ZNF112: variants seen among roughly 807,000 people sequenced by gnomAD.
ZNF112 encodes zinc finger protein 112 (Y14).
A neutral mutation model predicts 77.7 loss-of-function variants in ZNF112; 37 were observed. The ratio of observed to expected loss-of-function variants is 0.48; its 90% CI spans 0.37 to 0.63. The LOEUF (loss-of-function observed/expected upper bound fraction) is 0.63. Ranked by LOEUF, ZNF112 falls within the 20% of genes least tolerant of loss-of-function variation. The pLI, the probability that ZNF112 is intolerant of heterozygous loss-of-function variation, is 0.00. For missense variants in ZNF112, 950 were observed against 1,077.4 expected (o/e 0.88, Z 1.66); for synonymous variants, 333 against 363.6 (o/e 0.92, Z 0.96).
Position 44,329,359 on chromosome 19 carries a change from G to C in ZNF112, c.798C>G (p.Ser266Arg), listed in dbSNP as rs764596566. ...GYRKAFSNDS[S>R]SEVHQQFHLE... ...AGTGGAACTGCTGATGAACCTCAGA[G>C]CTGGAGTCATTACTGAAGGCTTTTC... Residue 266 changes from serine (S) to arginine (R), a missense_variant, in exon 4 of 4, where the codon AGC becomes AGG. Physicochemically the swap from Ser to Arg is moderately radical, Grantham distance 110. Around this residue, in one of 3 missense-constraint regions of ZNF112, gnomAD observed 560 missense variants for 557.3 expected, o/e 1.00. Transcript: ENST00000354340. 8.7e-6 allele frequency: 14 copies of C among 1,613,690 alleles called. No homozygotes were observed. Among genetic ancestry groups the C allele is most frequent in the Non-Finnish European group, 1.1e-5 (13 of 1,179,794 alleles).
At position 44,327,868 on chromosome 19, in the gene ZNF112, C is replaced by T. The variant is rs1568656346; in HGVS notation, c.2289G>A (p.Arg763=). ...TGTATGGTTTCCCTCCTGTGTGAAC[C>T]CTCCGATGTGCTTCAAGGCGCGAAC... The part of the protein sequence containing the change: ...SQSSRLEAHR[R]VHTGGKPYKC... The change falls in exon 4 of 4, where the codon AGG becomes AGA. Residue 763 remains arginine (R), a synonymous_variant. Coordinates refer to ENST00000354340, the MANE Select transcript of ZNF112 (RefSeq NM_013380.4). The T allele has an allele frequency of 6.2e-7, 1 of 1,613,898 alleles. No homozygotes were observed. The highest frequency in any genetic ancestry group is 1.1e-5 in the South Asian group (1 of 91,078).
intron 1 of ZNF112, among the ~76,000 whole-genome samples, chr19:44,348,784 A>C (rs1970641086): frequency 6.6e-6 from 1 of 152,140 alleles, no homozygotes; most frequent in Non-Finnish European, 1.5e-5. Context: ...GATGCAGCTA[A>C]AGCAGATATT....
At chr19:44,367,001 T>C (rs2123235587) in intron 1 of ZNF112, 1 of 453,826 alleles carries the variant, frequency 2.2e-6, no homozygotes, top group Non-Finnish European at 4.4e-6. Flanking sequence ...AGTCCTGGAG[T>C]AGGAACAGAG....
upstream of ZNF112, among the ~76,000 whole-genome samples, chr19:44,357,173 GT>G (rs1970801109): frequency 6.6e-6 from 1 of 152,128 alleles, no homozygotes; most frequent in Non-Finnish European, 1.5e-5. Context: ...TGCTAGTCCA[GT>G]TCTACTGCCT....
chr19:44,332,240 C>T lies in ZNF112; in HGVS notation c.221-2304G>A, dbSNP rs1205942420. 7.2e-5 allele frequency among the ~76,000 whole-genome samples: 11 copies of T among 152,074 alleles called. No homozygotes were observed. The East Asian group carries it at 9.6e-4, about 13-fold the overall frequency. On this transcript the variant is annotated intron_variant, in intron 3 of 3. Transcript: ENST00000354340. ...AATTTTTCTTGAACAAAATCTTACC[C>T]GTAAGCCCTACCCTATCCCAACTTT...
At position 44,329,526 on chromosome 19, in the gene ZNF112, A is replaced by G. The variant is rs1473777260; in HGVS notation, c.631T>C (p.Ser211Pro). The G allele has an allele frequency of 3.1e-6, 5 of 1,614,132 alleles. No individual in the cohort carries two copies. Among genetic ancestry groups the G allele is most frequent in the Non-Finnish European group, 4.2e-6 (5 of 1,180,008 alleles). Residue 211 changes from serine (S) to proline (P), a missense_variant, in exon 4 of 4, where the codon TCA becomes CCA. Coordinates refer to ENST00000354340, the MANE Select transcript of ZNF112 (RefSeq NM_013380.4). ...FCKCDSVSWLSHHNDKLEVHR... is the reference protein window; with the variant it reads ...FCKCDSVSWLPHHNDKLEVHR... ...ACTTCCAGTTTATCATTGTGATGTG[A>G]GAGCCAACTGACACTGTCACACTTA...
chr19:44,343,155 T>C, intron 1 of ZNF112: 1 of 1,341,308 alleles, frequency 7.5e-7, no homozygotes, highest in Non-Finnish European at 1.0e-6. Context: ...AAATGCCTGT[T>C]GTCATTCTTT....
intron 1 of ZNF112, among the ~76,000 whole-genome samples, chr19:44,347,812 A>G (rs1970623971): frequency 6.6e-6 from 1 of 152,084 alleles, no homozygotes; most frequent in Admixed American, 6.6e-5. Flanking sequence ...TATTTGCCAA[A>G]AAACTTACTA....
rs375997163 is a variant in ZNF112 at position 44,328,342 on chromosome 19, A to G, written c.1815T>C (p.Cys605=). ...GACTGAAGCCCTTCCCACACTCCTC[A>G]CACTTGTATGGTTTTTCTCCAGTGT... ...RVHTGEKPYK[C]EECGKGFSRS... Residue 605 remains cysteine (C), a synonymous_variant, in exon 4 of 4, where the codon TGT becomes TGC. Coordinates refer to ENST00000354340, the MANE Select transcript of ZNF112 (RefSeq NM_013380.4). 8.7e-6 allele frequency: 14 copies of G among 1,612,796 alleles called. No individual in the cohort carries two copies. The highest frequency in any genetic ancestry group is 1.2e-5 in the Non-Finnish European group (14 of 1,179,700).
Position 44,327,755 on chromosome 19 carries a change from C to T in ZNF112, c.2402G>A (p.Cys801Tyr). 3.7e-6 allele frequency: 6 copies of T among 1,613,964 alleles called. No individual in the cohort carries two copies. Among genetic ancestry groups the T allele is most frequent in the Non-Finnish European group, 5.1e-6 (6 of 1,179,970 alleles). ...ACTGAAACCCTTACCACACTGTTCA[C>T]ATTTATAGGGTCTCCCTTCCACATG... ...RVHVEGRPYKCEQCGKGFSGY... is the reference protein window; with the variant it reads ...RVHVEGRPYKYEQCGKGFSGY... Residue 801 changes from cysteine to tyrosine, a missense_variant, in exon 4 of 4, where the codon TGT becomes TAT. This residue lies in a region of ZNF112 where 373 missense variants were observed against 482.8 expected (regional missense o/e 0.77). Coordinates refer to ENST00000354340, the MANE Select transcript of ZNF112 (RefSeq NM_013380.4).
At chr19:44,332,356 A>G (rs1048804938) in intron 3 of ZNF112, among the ~76,000 whole-genome samples, 2 of 152,248 alleles carry the variant, frequency 1.3e-5, no homozygotes, top group Non-Finnish European at 2.9e-5. Flanking sequence ...ACTTCAAGGT[A>G]TATCAGTAGG....
At position 44,328,712 on chromosome 19, in the gene ZNF112, C is replaced by T. The variant is rs1970190809; in HGVS notation, c.1445G>A (p.Gly482Asp). 1.2e-6 allele frequency: 2 copies of T among 1,613,974 alleles called. No homozygotes were observed. The highest frequency in any genetic ancestry group is 1.7e-6 in the Non-Finnish European group (2 of 1,179,942). The change falls in exon 4 of 4, where the codon GGT (glycine) becomes GAT (aspartate). Residue 482 changes from glycine to aspartate, a missense_variant. Around this residue, in one of 3 missense-constraint regions of ZNF112, gnomAD observed 560 missense variants for 557.3 expected, o/e 1.00. Coordinates refer to ENST00000354340, the MANE Select transcript of ZNF112 (RefSeq NM_013380.4). ...NSFSHNLYLQ[G>D]HPKIHIGEKP... Reference sequence around the variant, plus strand: ...CTCTCCAATGTGAATTTTTGGATGACCTTGAAGATATAAATTATGGCTGAA... The same window carrying T: ...CTCTCCAATGTGAATTTTTGGATGATCTTGAAGATATAAATTATGGCTGAA...
chr19:44,334,020 T>C (rs118033333), intron 3 of ZNF112, among the ~76,000 whole-genome samples: 17 of 152,294 alleles, frequency 1.1e-4, no homozygotes, highest in Non-Finnish European at 2.1e-4. Context: ...AAAATACGGA[T>C]AGTGATATGG....
chr19:44,334,413 A>C (rs1245292099), intron 3 of ZNF112, among the ~76,000 whole-genome samples: 3 of 152,258 alleles, frequency 2.0e-5, no homozygotes, highest in African/African-American at 7.2e-5. Context: ...CATGTGGTAG[A>C]AAAGAAAAAC....
intron 3 of ZNF112, among the ~76,000 whole-genome samples, chr19:44,334,442 T>G (rs943461046): frequency 6.6e-6 from 1 of 152,134 alleles, no homozygotes; most frequent in Non-Finnish European, 1.5e-5. Context: ...TGGGGAGAAA[T>G]TCAAGGCTGC....
chr19:44,334,249 G>A (rs1599916249), intron 3 of ZNF112, among the ~76,000 whole-genome samples: 1 of 152,284 alleles, frequency 6.6e-6, no homozygotes, highest in South Asian at 2.1e-4. Context: ...GTTATCTGGT[G>A]GAATAAATTT....
At chr19:44,364,029 C>G (rs1204126614) in intron 1 of ZNF112, among the ~76,000 whole-genome samples, 1 of 152,294 alleles carries the variant, frequency 6.6e-6, no homozygotes, top group African/African-American at 2.4e-5. Context: ...CCTGCCTCAG[C>G]CTCCTGAGTA....
intron 1 of ZNF112, among the ~76,000 whole-genome samples, chr19:44,354,681 C>T (rs1431589350): frequency 1.3e-5 from 2 of 152,170 alleles, no homozygotes; most frequent in Non-Finnish European, 2.9e-5. Flanking sequence ...ACCATAAACC[C>T]TTAACAACCT....
At chr19:44,366,199 A>T (rs1970902782) in intron 1 of ZNF112, among the ~76,000 whole-genome samples, 1 of 152,184 alleles carries the variant, frequency 6.6e-6, no homozygotes, top group Non-Finnish European at 1.5e-5. Flanking sequence ...AATAAAAATA[A>T]ATTTAAATTT....
Sources: gnomAD v4.1 joint callset for allele counts (sites outside exome capture counted in the v4.1 genomes callset) on GRCh38, gnomAD v4.1.1 for gene constraint, gnomAD v4.1.1 regional missense constraint, MANE v1.5 for transcripts, NCBI Gene and HGNC (gene_info 2026-07-23, HGNC 2026-07-21) for gene names.